Variants in CNTN5 observed in about 807,000 individuals in gnomAD.
The protein encoded by CNTN5 is contactin 5, also known as contactin-5.
A neutral mutation model predicts 129.1 loss-of-function variants in CNTN5; 77 were observed. The ratio of observed to expected loss-of-function variants is 0.60; its 90% confidence interval spans 0.50 to 0.72. CNTN5 has a LOEUF of 0.72. Among genes scored for constraint, CNTN5 ranks in the 30% least tolerant of loss-of-function variants. The pLI is 0.00. For synonymous variants in CNTN5, 509 were observed against 465.6 expected (o/e 1.09, Z -1.20); for missense variants, 1,478 against 1,328.8 (o/e 1.11, Z -1.75).
chr11:99,057,309 T>C (rs2135196540), intron 1 of CNTN5, among the ~76,000 whole-genome samples: 1 of 152,176 alleles, frequency 6.6e-6, no homozygotes, highest in Non-Finnish European at 1.5e-5. Context: ...AGTTCGTATC[T>C]AACCAGTACA....
chr11:99,645,811 G>C (rs1387970479), intron 3 of CNTN5, among the ~76,000 whole-genome samples: 4 of 151,542 alleles, frequency 2.6e-5, no homozygotes, highest in Non-Finnish European at 5.9e-5. Flanking sequence ...TGGGGGGCTA[G>C]GGGAGCGAGA....
chr11:100,207,879 G>T (rs781690233), intron 15 of CNTN5, among the ~76,000 whole-genome samples: 20 of 152,124 alleles, frequency 1.3e-4, no homozygotes, highest in Non-Finnish European at 2.6e-4. Flanking sequence ...AATATCAAAT[G>T]CTTCCATTTG....
In CNTN5 at chr11:99,831,715, C is replaced by T. The variant is rs146856349; in HGVS notation, c.277+11950C>T. Among the ~76,000 whole-genome samples, 532 of 152,252 alleles carry T rather than the reference C, an allele frequency of 3.5e-3. 5 individuals carry two copies. Among genetic ancestry groups the T allele is most frequent in the African/African-American group, 0.011 (471 of 41,550 alleles). ...CAGTTGTCTTATAAAATCCACTTCT[C>T]ATTGCATGTCACAATGTGATCGAGA... On this transcript the variant is annotated intron_variant, in intron 4 of 24. Coordinates refer to ENST00000524871, the MANE Select transcript of CNTN5 (RefSeq NM_014361.4).
intron 13 of CNTN5, among the ~76,000 whole-genome samples, chr11:100,093,221 G>T (rs78114744): frequency 6.6e-6 from 1 of 151,996 alleles, no homozygotes; most frequent in Non-Finnish European, 1.5e-5. Flanking sequence ...GTTTTCTCTC[G>T]GGTGTTCTCT....
chr11:99,990,952 C>G (rs189138226), intron 8 of CNTN5, among the ~76,000 whole-genome samples: 2 of 152,244 alleles, frequency 1.3e-5, no homozygotes, highest in African/African-American at 4.8e-5. Context: ...TGCAACAGAG[C>G]TAGGGCTGGA....
intron 3 of CNTN5, among the ~76,000 whole-genome samples, chr11:99,755,017 G>C (rs1418514723): frequency 2.0e-5 from 3 of 152,034 alleles, no homozygotes; most frequent in African/African-American, 7.2e-5. Context: ...TCATACAGTA[G>C]GTAGTATTTT....
intron 2 of CNTN5, among the ~76,000 whole-genome samples, chr11:99,462,669 G>A (rs1207233679): frequency 6.6e-6 from 1 of 152,114 alleles, no homozygotes; most frequent in Non-Finnish European, 1.5e-5. Context: ...TACTGAATAC[G>A]CCCGCTCCCT....
chr11:99,034,109 A>G (rs187618629), intron 1 of CNTN5, among the ~76,000 whole-genome samples: 288 of 152,282 alleles, frequency 1.9e-3, no homozygotes, highest in African/African-American at 6.4e-3. Flanking sequence ...TTGCATCCCA[A>G]GGATGAAGCC....
chr11:99,346,085 A>AT (rs1380481446), intron 2 of CNTN5, among the ~76,000 whole-genome samples: 2 of 152,264 alleles, frequency 1.3e-5, no homozygotes, highest in East Asian at 3.9e-4. Flanking sequence ...ATAGGCGTAA[A>AT]TTCCTATCAT....
chr11:99,407,320 C>G (rs1483922421), intron 2 of CNTN5, among the ~76,000 whole-genome samples: 1 of 152,152 alleles, frequency 6.6e-6, no homozygotes, highest in Non-Finnish European at 1.5e-5. Flanking sequence ...GGGTTCCCTT[C>G]TGGCTCAGGG....
At chr11:99,988,253 CA>C (rs1457099143) in intron 8 of CNTN5, among the ~76,000 whole-genome samples, 2 of 152,192 alleles carry the variant, frequency 1.3e-5, no homozygotes, top group African/African-American at 4.8e-5. Flanking sequence ...ACAATCTGTG[CA>C]GATTAAAGTG....
chr11:99,532,271 T>C (rs986752721), intron 2 of CNTN5, among the ~76,000 whole-genome samples: 3 of 152,190 alleles, frequency 2.0e-5, no homozygotes, highest in African/African-American at 7.2e-5. Flanking sequence ...CCCTTTGTTT[T>C]GGCCAATTTC....
intron 13 of CNTN5, among the ~76,000 whole-genome samples, chr11:100,153,451 T>C (rs954819382): frequency 5.9e-5 from 9 of 152,096 alleles, no homozygotes; most frequent in Non-Finnish European, 8.8e-5. Context: ...AAAAAAACGC[T>C]TATTATGTTC....
intron 2 of CNTN5, among the ~76,000 whole-genome samples, chr11:99,447,802 G>A (rs1229199304): frequency 6.6e-6 from 1 of 152,134 alleles, no homozygotes; most frequent in African/African-American, 2.4e-5. Context: ...GTGGGTTCCT[G>A]TAGTCCCAGC....
chr11:100,309,309 C>T, intron 21 of CNTN5: 1 of 983,828 alleles, frequency 1.0e-6, no homozygotes. Flanking sequence ...TGTATACTAA[C>T]ATGGTTTCCA....
intron 1 of CNTN5, among the ~76,000 whole-genome samples, chr11:99,095,438 A>T (rs75305970): frequency 0.036 from 5,425 of 152,030 alleles, 120 homozygotes; most frequent in South Asian, 0.069. Context: ...AGTACAAATC[A>T]TTATAAATAT....
chr11:100,117,858 G>T (rs764530995), intron 13 of CNTN5, among the ~76,000 whole-genome samples: 2 of 151,614 alleles, frequency 1.3e-5, no homozygotes, highest in African/African-American at 2.4e-5. Context: ...ATTGAATACC[G>T]TACTTCTCCA....
chr11:99,738,435 A>G (rs1299142842), intron 3 of CNTN5, among the ~76,000 whole-genome samples: 1 of 152,192 alleles, frequency 6.6e-6, no homozygotes, highest in Non-Finnish European at 1.5e-5. Context: ...ATTTGGCTAT[A>G]GTAGCTCTAG....
intron 2 of CNTN5, among the ~76,000 whole-genome samples, chr11:99,500,389 T>C (rs1399794743): frequency 1.3e-5 from 2 of 152,274 alleles, no homozygotes; most frequent in Admixed American, 6.5e-5. Context: ...GATAAACAAA[T>C]GAGATCTGAA....
Sources: allele counts gnomAD v4.1 joint callset (sites outside exome capture counted in the v4.1 genomes callset), GRCh38; gene constraint gnomAD v4.1.1; transcripts MANE v1.5; gene names NCBI Gene and HGNC (gene_info 2026-07-23, HGNC 2026-07-21).